Variants in PXYLP1 observed in about 807,000 individuals in gnomAD.
PXYLP1 encodes the protein 2-phosphoxylose phosphatase 1, also known as acid phosphatase-like 2.
PXYLP1 carries 17 observed loss-of-function variants against 37.9 expected under a neutral mutation model. The ratio of observed to expected loss-of-function variants is 0.45; its 90% CI spans 0.31 to 0.67. The LOEUF (loss-of-function observed/expected upper bound fraction) is 0.67, where lower values mean the gene tolerates loss of function less well. PXYLP1 is among the 30% of genes least tolerant of loss of function. PXYLP1 has a pLI of 0.07. For synonymous variants in PXYLP1, 221 were observed against 232.2 expected, an observed-to-expected ratio of 0.95 and a Z score of 0.44; for missense variants, 511 against 612.0, an observed-to-expected ratio of 0.84 and a Z score of 1.74.
At position 141,278,328 on chromosome 3, in the gene PXYLP1, T is replaced by C. The variant is rs1402938768; in HGVS notation, c.80-14T>C. The stretch of plus-strand genomic sequence containing the variant: ...CAGGAACTGTGCGTCACAACCTGCC[T>C]TACTTCGTTTCAGTCCACCTGATCC... On this transcript the variant is annotated splice_polypyrimidine_tract_variant and intron_variant, in intron 2 of 5. Transcript: ENST00000286353. 6.2e-7 allele frequency: 1 copy of C among 1,614,062 alleles called. No individual in the cohort carries two copies. The highest frequency in any genetic ancestry group is 8.5e-7 in the Non-Finnish European group (1 of 1,179,944).
At chr3:141,278,898 T>C (rs1280543860) in intron 3 of PXYLP1, among the ~76,000 whole-genome samples, 1 of 152,270 alleles carries the variant, frequency 6.6e-6, no homozygotes, top group Non-Finnish European at 1.5e-5. Flanking sequence ...GATGTCCTGC[T>C]GGCGTCTTGC....
rs1231220551 is a variant in PXYLP1, at chr3:141,293,724, C to T, written c.*519C>T. 3 of 156,232 alleles carry T rather than the reference C, an allele frequency of 1.9e-5. No individual in the cohort carries two copies. The highest frequency in any genetic ancestry group is 4.3e-5 in the Non-Finnish European group (3 of 70,308). 9.7% of individuals were successfully genotyped at this position (156,232 alleles called of 1,614,324 possible). On this transcript the variant is annotated 3_prime_UTR_variant, in exon 6 of 6. Coordinates refer to ENST00000286353, the MANE Select transcript of PXYLP1 (RefSeq NM_001037172.3). ...CCACATACAGTCTCTGTCATAACTA[C>T]TCAACTCTGTTTCTGAAGCAGGAAA...
chr3:141,279,075 T>C (rs1189858684), intron 3 of PXYLP1, among the ~76,000 whole-genome samples: 1 of 152,234 alleles, frequency 6.6e-6, no homozygotes, highest in African/African-American at 2.4e-5. Flanking sequence ...TCTGTGCATG[T>C]GAGTGAGGCC....
chr3:141,248,018 G>GT (rs200024544), intron 1 of PXYLP1, among the ~76,000 whole-genome samples: 855 of 62,282 alleles, frequency 0.014, 14 homozygotes, highest in East Asian at 0.085. Context: ...AAGAGTTTTT[G>GT]TTTTGTTTTT....
At chr3:141,259,414 A>G (rs1333000358) in intron 1 of PXYLP1, among the ~76,000 whole-genome samples, 3 of 151,574 alleles carry the variant, frequency 2.0e-5, no homozygotes, top group Non-Finnish European at 4.4e-5. Flanking sequence ...TTCCCACAGA[A>G]GGGACATTTA....
chr3:141,242,610 A>G (rs970538081), intron 1 of PXYLP1, among the ~76,000 whole-genome samples: 3 of 152,200 alleles, frequency 2.0e-5, no homozygotes, highest in Non-Finnish European at 4.4e-5. Flanking sequence ...ATGAACCATC[A>G]TGCTAGTCTA....
rs35362660 is a variant in PXYLP1, at chr3:141,278,485, G to A, written c.223G>A (p.Glu75Lys). The A allele has an allele frequency of 3.8e-4, 619 of 1,614,178 alleles. 2 individuals are homozygous for A. In the African/African-American group the frequency reaches 7.1e-3, roughly 19 times the overall value. The change falls in exon 3 of 6, where the codon GAG becomes AAG. Residue 75 changes from glutamate to lysine, a missense_variant. Transcript: ENST00000286353. The stretch of plus-strand genomic sequence containing the variant: ...GTACTGCAACATCCCCAGCGTGGCC[G>A]AGCGCAGCATGGAAGGTAGGCCTGA... ...LLYCNIPSVA[E>K]RSMEGHAPHH...
intron 1 of PXYLP1, among the ~76,000 whole-genome samples, chr3:141,232,932 G>C (rs768188646): frequency 3.3e-5 from 5 of 152,142 alleles, no homozygotes; most frequent in Non-Finnish European, 7.4e-5. Context: ...AATCAGGAGA[G>C]ATGGGGAATC....
chr3:141,275,009 G>A (rs960594323), intron 2 of PXYLP1, among the ~76,000 whole-genome samples: 16 of 152,170 alleles, frequency 1.1e-4, no homozygotes, highest in African/African-American at 3.9e-4. Flanking sequence ...AGATGGAGCT[G>A]GGGAGACTTC....
intron 1 of PXYLP1, among the ~76,000 whole-genome samples, chr3:141,236,039 G>A (rs1304669321): frequency 6.6e-6 from 1 of 152,180 alleles, no homozygotes; most frequent in Non-Finnish European, 1.5e-5. Flanking sequence ...ATGGCGGCTT[G>A]GGGAGTAGTT....
chr3:141,236,882 T>A (rs1484408551), intron 1 of PXYLP1, among the ~76,000 whole-genome samples: 2 of 152,138 alleles, frequency 1.3e-5, no homozygotes, highest in Non-Finnish European at 2.9e-5. Context: ...GATATAAATA[T>A]GAACTATCTT....
chr3:141,290,788 A>G (rs936140891), intron 5 of PXYLP1, among the ~76,000 whole-genome samples: 1 of 152,196 alleles, frequency 6.6e-6, no homozygotes, highest in Non-Finnish European at 1.5e-5. Context: ...TTCTTCATCT[A>G]TAAAATAAGG....
At chr3:141,244,365 C>CT (rs11311791) in intron 1 of PXYLP1, among the ~76,000 whole-genome samples, 123 of 148,130 alleles carry the variant, frequency 8.3e-4, no homozygotes, top group African/African-American at 2.1e-3. Context: ...CATTACTCAC[C>CT]TTTTTTTTTT....
chr3:141,237,461 A>G (rs1046310241), intron 1 of PXYLP1, among the ~76,000 whole-genome samples: 2 of 152,196 alleles, frequency 1.3e-5, no homozygotes, highest in Non-Finnish European at 2.9e-5. Flanking sequence ...CTCTACCATT[A>G]CTAGCAATGT....
chr3:141,285,296 G>A (rs144090247), intron 4 of PXYLP1, among the ~76,000 whole-genome samples: 26 of 151,588 alleles, frequency 1.7e-4, no homozygotes, highest in Admixed American at 4.6e-4. Context: ...ATAGGCCTGC[G>A]CCACCATGCC....
At chr3:141,241,753 C>A (rs1008010448) in intron 1 of PXYLP1, among the ~76,000 whole-genome samples, 1 of 152,272 alleles carries the variant, frequency 6.6e-6, no homozygotes, top group East Asian at 1.9e-4. Context: ...CCATGGAACT[C>A]ATGGGCTGGC....
intron 2 of PXYLP1, chr3:141,273,649 G>T: frequency 1.0e-6 from 1 of 985,392 alleles, no homozygotes; most frequent in African/African-American, 1.7e-5. Flanking sequence ...CCATTTCTTT[G>T]AAATTGAGAC....
chr3:141,245,269 G>A (rs1012542179), intron 1 of PXYLP1, among the ~76,000 whole-genome samples: 2 of 151,844 alleles, frequency 1.3e-5, no homozygotes, highest in Admixed American at 6.6e-5. Context: ...GCTTTGTCAT[G>A]TTGGCCAGGC....
At chr3:141,266,628 TGAGAGAGGGAGAGACAGAGG>T (rs1224833819) in intron 2 of PXYLP1, among the ~76,000 whole-genome samples, 4 of 130,634 alleles carry the variant, frequency 3.1e-5, no homozygotes, top group Admixed American at 8.7e-5. Context: ...TCTGTGTGTG[TGAGAGAGGGAGAGACAGAGG>T]GAGAGAGGGA....
Sources: gnomAD v4.1 joint callset for allele counts (sites outside exome capture counted in the v4.1 genomes callset) on GRCh38, gnomAD v4.1.1 for gene constraint, MANE v1.5 for transcripts, NCBI Gene and HGNC (gene_info 2026-07-23, HGNC 2026-07-21) for gene names.